NKD2: variants seen among roughly 807,000 people sequenced by gnomAD.
NKD2 encodes the protein NKD inhibitor of Wnt signaling pathway 2, also known as protein naked cuticle homolog 2.
A neutral mutation model predicts 34.8 loss-of-function variants in NKD2; 43 were observed. The ratio of observed to expected loss-of-function variants is 1.24; its 90% CI spans 0.97 to 1.60. NKD2 has a LOEUF of 1.60. NKD2 is among the 40% of genes most tolerant of loss of function. NKD2 has a pLI of 0.00. For synonymous variants in NKD2, 278 were observed against 265.1 expected, an observed-to-expected ratio of 1.05 and a Z score of -0.47; for missense variants, 675 against 627.1, an observed-to-expected ratio of 1.08 and a Z score of -0.82.
chr5:1,024,482 C>T (rs867978489), intron 3 of NKD2, among the ~76,000 whole-genome samples: 8 of 20,206 alleles, frequency 4.0e-4, no homozygotes, highest in Admixed American at 6.2e-4. Context: ...TGTGGGCGTC[C>T]CAGCCCATTG....
chr5:1,034,452 C>T (rs899740086), intron 6 of NKD2, 122 bp downstream of exon 6: 7 of 835,038 alleles, frequency 8.4e-6, no homozygotes, highest in Non-Finnish European at 1.4e-5. Flanking sequence ...GTCCTCATGC[C>T]AGCTGGGCTT....
At chr5:1,036,111 C>G (rs532552869) in intron 8 of NKD2, 146 bp from the exon 9 acceptor site, 1 of 1,349,820 alleles carries the variant, frequency 7.4e-7, no homozygotes, top group Non-Finnish European at 9.5e-7. Context: ...TGTGCCCAGG[C>G]GTCCACTCTC....
intron 3 of NKD2, among the ~76,000 whole-genome samples, chr5:1,021,854 G>A (rs919409427): frequency 3.9e-5 from 6 of 152,240 alleles, no homozygotes; most frequent in Admixed American, 3.9e-4. Flanking sequence ...TAAGGCGGAT[G>A]GGGTGGTGGT....
chr5:1,014,503 G>T (rs75857796), intron 3 of NKD2, among the ~76,000 whole-genome samples: 4 of 152,214 alleles, frequency 2.6e-5, no homozygotes, highest in Non-Finnish European at 5.9e-5. Context: ...CATGCCTCCC[G>T]TGTGAGCAGC....
chr5:1,027,448 G>A (rs553166871), intron 3 of NKD2, among the ~76,000 whole-genome samples: 5 of 152,266 alleles, frequency 3.3e-5, no homozygotes, highest in East Asian at 1.9e-4. Flanking sequence ...TGCCCGACAC[G>A]CCCACCCAGT....
rs762803458 is a variant in NKD2, at chr5:1,034,758, C to T, written c.429C>T (p.Asp143=). 8.1e-6 allele frequency: 13 copies of T among 1,609,262 alleles called. No homozygotes were observed. In the East Asian group the frequency reaches 2.5e-4, roughly 30 times the overall value. ...GTGAAACTGATGCCGGGCCCCAGGA[C>T]ATGTCCAGCCTCATGCACACCATCT... ...FDNCGKVTRE[D]MSSLMHTIYE... is the part of the protein sequence containing the mutation. The change falls in exon 7 of 10, where the codon GAC becomes GAT. Residue 143 remains aspartate (D), a splice_region_variant and synonymous_variant. Coordinates refer to ENST00000296849, the MANE Select transcript of NKD2 (RefSeq NM_033120.4).
chr5:1,013,510 G>A (rs567188030), intron 3 of NKD2, among the ~76,000 whole-genome samples: 3 of 152,368 alleles, frequency 2.0e-5, no homozygotes, highest in South Asian at 2.1e-4. Context: ...TGTGGGAGGC[G>A]TCGAGGTCAC....
chr5:1,036,497 CCCCCA>C, intron 9 of NKD2, 113 bp downstream of exon 9: 1 of 579,152 alleles, frequency 1.7e-6, no homozygotes. Context: ...GCCCCGCCCC[CCCCCA>C]ACCCCCCCCA....
chr5:1,029,463 A>G (rs748661767), intron 3 of NKD2, among the ~76,000 whole-genome samples: 1 of 152,196 alleles, frequency 6.6e-6, no homozygotes, highest in Non-Finnish European at 1.5e-5. Flanking sequence ...ACATCAAACC[A>G]CGGGTCTGTG....
Position 1,036,134 on chromosome 5 carries a change from C to T in NKD2, c.660-123C>T, listed in dbSNP as rs144824477. The stretch of plus-strand genomic sequence containing the variant: ...GGCGTCCACTCTCCTTCCTGCTCTG[C>T]GAGGAGGTGGGTGCTGGTCAGGATG... On this transcript the variant is annotated intron_variant, in intron 8 of 9. Coordinates refer to ENST00000296849, the MANE Select transcript of NKD2 (RefSeq NM_033120.4). 529 of 1,370,432 alleles carry T rather than the reference C, an allele frequency of 3.9e-4. 2 individuals are homozygous for T. In the African/African-American group the frequency reaches 6.4e-3, roughly 17 times the overall value. 84.9% of individuals were successfully genotyped at this position (1,370,432 alleles called of 1,614,324 possible). A position where few individuals can be genotyped will look rare whatever the true frequency, so the allele number is the denominator to read the frequency against.
Position 1,036,355 on chromosome 5 carries a change from T to A in NKD2, c.758T>A (p.Ile253Asn), listed in dbSNP as rs767427142. ...RRNHYLDLAG[I>N]ENYTSRFGPG... Reference sequence around the variant, plus strand: ...AACCACTACCTGGACCTCGCCGGGATTGAGAACTACACGTCCAGATTCGGC... The same window carrying A: ...AACCACTACCTGGACCTCGCCGGGAATGAGAACTACACGTCCAGATTCGGC... Residue 253 changes from isoleucine (I) to asparagine (N), a missense_variant, in exon 9 of 10, where the codon ATT becomes AAT. Transcript: ENST00000296849. The A allele has an allele frequency of 6.2e-7, 1 of 1,612,886 alleles. No homozygotes were observed. Among genetic ancestry groups the A allele is most frequent in the Non-Finnish European group, 8.5e-7 (1 of 1,179,810 alleles).
At chr5:1,037,506 G>A (rs112514376) in intron 9 of NKD2, 36 of 1,533,034 alleles carry the variant, frequency 2.3e-5, no homozygotes, top group Middle Eastern at 1.7e-4. Context: ...TTTCTGCCAC[G>A]GCGCCCCAAG....
At chr5:1,011,895 G>A (rs565951668) in intron 3 of NKD2, among the ~76,000 whole-genome samples, 12 of 152,348 alleles carry the variant, frequency 7.9e-5, no homozygotes, top group African/African-American at 2.4e-4. Context: ...GGACCCGCAC[G>A]GCTTCATCAC....
At chr5:1,014,171 G>A (rs534532693) in intron 3 of NKD2, among the ~76,000 whole-genome samples, 7 of 152,346 alleles carry the variant, frequency 4.6e-5, no homozygotes, top group South Asian at 2.1e-4. Context: ...GTGCTGCTCC[G>A]TCCTCCTTCC....
At chr5:1,012,252 A>C (rs1755779943) in intron 3 of NKD2, among the ~76,000 whole-genome samples, 2 of 152,262 alleles carry the variant, frequency 1.3e-5, no homozygotes, top group African/African-American at 4.8e-5. Context: ...GCTTCCATGA[A>C]GTAGTGCTGA....
chr5:1,033,302 G>A, intron 4 of NKD2, 70 bp from the exon 5 acceptor site: 1 of 1,419,322 alleles, frequency 7.0e-7, no homozygotes, highest in Non-Finnish European at 9.6e-7. Flanking sequence ...GAGCAGCGAG[G>A]GTCCCCAATG....
chr5:1,033,999 G>C (rs1360336315), intron 5 of NKD2: 1 of 582,064 alleles, frequency 1.7e-6, no homozygotes, highest in Non-Finnish European at 3.0e-6. Context: ...GTGTCACTGT[G>C]GGGGAACCGA....
intron 9 of NKD2, among the ~76,000 whole-genome samples, chr5:1,037,070 A>G (rs372750706): frequency 3.6e-4 from 49 of 137,148 alleles, no homozygotes; most frequent in South Asian, 1.1e-3. Context: ...GATGGCAGCC[A>G]GGCAGTGTGG....
At chr5:1,035,155 A>C (rs894545512) in intron 7 of NKD2, among the ~76,000 whole-genome samples, 1 of 150,050 alleles carries the variant, frequency 6.7e-6, no homozygotes, top group Non-Finnish European at 1.5e-5. Flanking sequence ...TGAATGAGTT[A>C]ATGAATGAGT....
Sources: allele counts gnomAD v4.1 joint callset (sites outside exome capture counted in the v4.1 genomes callset), GRCh38; gene constraint gnomAD v4.1.1; transcripts MANE v1.5; gene names NCBI Gene and HGNC (gene_info 2026-07-23, HGNC 2026-07-21).